The following SLC24A2 variants were observed in gnomAD, a reference collection of about 807,000 sequenced individuals.
SLC24A2 encodes sodium/potassium/calcium exchanger 2.
SLC24A2 carries 36 observed loss-of-function variants against 62.0 expected under a neutral mutation model. That is an observed-to-expected ratio of 0.58 (90% CI 0.44 to 0.77). SLC24A2 has a LOEUF of 0.77. Ranked by LOEUF, SLC24A2 falls within the 30% of genes least tolerant of loss-of-function variation. The probability of loss-of-function intolerance (pLI) is 0.00; values close to 1 mark genes in which losing one functional copy is unlikely to be tolerated. For missense variants in SLC24A2, 846 were observed against 817.9 expected, an observed-to-expected ratio of 1.03 and a Z score of -0.42; for synonymous variants, 358 against 294.0, an observed-to-expected ratio of 1.22 and a Z score of -2.23.
At chr9:20,021,273 T>C in the SLC24A2 span, among the ~76,000 whole-genome samples, 6 of 152,046 alleles carry the variant, frequency 3.9e-5, no homozygotes, top group Non-Finnish European at 7.4e-5. Flanking sequence ...AATCCATTTG[T>C]TCTTAAAAGT....
chr9:19,679,872 G>C (rs62564199), intron 2 of SLC24A2, among the ~76,000 whole-genome samples: 4 of 117,876 alleles, frequency 3.4e-5, no homozygotes, highest in Admixed American at 9.4e-5. Context: ...GTGTGTGTGT[G>C]TGTGTGTGTG....
chr9:19,556,841 G>A (rs1231274677), intron 7 of SLC24A2, among the ~76,000 whole-genome samples: 1 of 152,200 alleles, frequency 6.6e-6, no homozygotes, highest in African/African-American at 2.4e-5. Context: ...GCAAGGCAGA[G>A]CTCATTTGTC....
chr9:19,558,874 G>C (rs944787438), intron 7 of SLC24A2, among the ~76,000 whole-genome samples: 5 of 152,206 alleles, frequency 3.3e-5, no homozygotes, highest in African/African-American at 1.2e-4. Flanking sequence ...AAAGGTATGT[G>C]CCTATATAGT....
intron 8 of SLC24A2, among the ~76,000 whole-genome samples, chr9:19,535,776 T>C (rs781555883): frequency 1.2e-4 from 18 of 152,288 alleles, no homozygotes; most frequent in Non-Finnish European, 2.6e-4. Flanking sequence ...AGTCAGGTAG[T>C]GTGATGCCTC....
At chr9:20,079,741 T>G in the SLC24A2 span, among the ~76,000 whole-genome samples, 1 of 152,182 alleles carries the variant, frequency 6.6e-6, no homozygotes, top group Admixed American at 6.5e-5. Flanking sequence ...TGTCTGTTAG[T>G]GGTGTATAAG....
At chr9:19,621,790 A>C (rs1817915138) in intron 3 of SLC24A2, among the ~76,000 whole-genome samples, 1 of 152,194 alleles carries the variant, frequency 6.6e-6, no homozygotes, top group East Asian at 1.9e-4. Context: ...GAAGTACTGA[A>C]AGCATTCTTT....
At chr9:20,078,576 T>A in the SLC24A2 span, among the ~76,000 whole-genome samples, 62 of 152,066 alleles carry the variant, frequency 4.1e-4, no homozygotes, top group Non-Finnish European at 2.2e-4. Context: ...GCCACAACAA[T>A]CCCACCCAGG....
chr9:19,659,663 C>G (rs976079516), intron 2 of SLC24A2, among the ~76,000 whole-genome samples: 1 of 152,132 alleles, frequency 6.6e-6, no homozygotes, highest in Admixed American at 6.5e-5. Context: ...ACGACTAGGG[C>G]TGCAGACTGT....
the SLC24A2 span, among the ~76,000 whole-genome samples, chr9:19,943,213 A>G: frequency 3.3e-5 from 5 of 152,184 alleles, no homozygotes; most frequent in African/African-American, 1.2e-4. Flanking sequence ...TTAATTTATA[A>G]TATTCCATTG....
At chr9:19,563,131 A>G (rs1835485712) in intron 7 of SLC24A2, among the ~76,000 whole-genome samples, 1 of 151,854 alleles carries the variant, frequency 6.6e-6, no homozygotes, top group Admixed American at 6.6e-5. Context: ...AAACAGTCTG[A>G]TGAAGAGTCT....
At chr9:20,012,731 A>G in the SLC24A2 span, among the ~76,000 whole-genome samples, 1 of 152,244 alleles carries the variant, frequency 6.6e-6, no homozygotes. Flanking sequence ...TTACATACCA[A>G]TAATGAACTA....
At chr9:20,256,738 A>G in the SLC24A2 span, among the ~76,000 whole-genome samples, 1 of 152,062 alleles carries the variant, frequency 6.6e-6, no homozygotes, top group East Asian at 1.9e-4. Context: ...TACCCTGGAG[A>G]TGATTCATCT....
At chr9:20,008,194 C>A in the SLC24A2 span, among the ~76,000 whole-genome samples, 2 of 152,002 alleles carry the variant, frequency 1.3e-5, no homozygotes, top group Non-Finnish European at 2.9e-5. Flanking sequence ...CTGCGCCTGG[C>A]CCCTCTTCCC....
chr9:19,734,508 C>G (rs971937263), intron 2 of SLC24A2, among the ~76,000 whole-genome samples: 11 of 152,274 alleles, frequency 7.2e-5, no homozygotes, highest in Admixed American at 7.2e-4. Flanking sequence ...TTGATTCTTC[C>G]TATCCATGAG....
At chr9:19,840,751 C>G in the SLC24A2 span, among the ~76,000 whole-genome samples, 1 of 152,074 alleles carries the variant, frequency 6.6e-6, no homozygotes. Flanking sequence ...TTTCTATCAC[C>G]CTAGAAGGTA....
At chr9:19,708,526 C>T (rs866850690) in intron 2 of SLC24A2, among the ~76,000 whole-genome samples, 1 of 152,272 alleles carries the variant, frequency 6.6e-6, no homozygotes, top group South Asian at 2.1e-4. Flanking sequence ...CTACAGTAAC[C>T]AAAACAGCAT....
At position 19,786,309 on chromosome 9, in the gene SLC24A2, G is replaced by C. The variant is rs755789669; in HGVS notation, c.558C>G (p.Ala186=). 1.2e-6 allele frequency: 2 copies of C among 1,614,030 alleles called. No individual in the cohort carries two copies. The highest frequency in any genetic ancestry group is 2.7e-5 in the African/African-American group (2 of 74,916). ...CTATGAGAGATGTGAAAAGTTCTGG[G>C]GCTGACCCTCCTGCAGCCATGAAGG... ...GATFMAAGGS[A]PELFTSLIGV... is the part of the protein sequence containing the mutation. Residue 186 remains alanine, a synonymous_variant, in exon 2 of 11, where the codon GCC becomes GCG. Coordinates refer to ENST00000341998, the MANE Select transcript of SLC24A2 (RefSeq NM_020344.4). The surrounding 1 kb of genome is among the most constrained non-coding windows in gnomAD (Gnocchi z 5.0).
the SLC24A2 span, among the ~76,000 whole-genome samples, chr9:20,235,859 G>A: frequency 4.6e-5 from 7 of 152,004 alleles, no homozygotes; most frequent in Middle Eastern, 3.4e-3. Context: ...GTTCCCATTC[G>A]GCCTTCTTGG....
At chr9:19,911,545 C>T in the SLC24A2 span, among the ~76,000 whole-genome samples, 1 of 152,148 alleles carries the variant, frequency 6.6e-6, no homozygotes, top group South Asian at 2.1e-4. Flanking sequence ...ATGGTTGGTG[C>T]TGAACTGTTG....
Sources: gnomAD v4.1 joint callset for allele counts (sites outside exome capture counted in the v4.1 genomes callset) on GRCh38, gnomAD v4.1.1 for gene constraint, Gnocchi (gnomAD v3.1) non-coding constraint, MANE v1.5 for transcripts, NCBI Gene and HGNC (gene_info 2026-07-23, HGNC 2026-07-21) for gene names.